Variants in MAGI2 observed in about 807,000 individuals in gnomAD.
MAGI2 encodes the protein membrane-associated guanylate kinase, WW and PDZ domain-containing protein 2.
MAGI2 carries 35 observed loss-of-function variants against 133.3 expected under a neutral mutation model. The ratio of observed to expected loss-of-function variants is 0.26; its 90% CI spans 0.20 to 0.35. MAGI2 has a LOEUF of 0.35. MAGI2 is among the 10% of genes least tolerant of loss of function. The probability of loss-of-function intolerance (pLI) is 1.00; values close to 1 mark genes in which losing one functional copy is unlikely to be tolerated. For missense variants in MAGI2, 1,636 were observed against 1,863.4 expected (o/e 0.88, Z 2.25); for synonymous variants, 729 against 710.6 (o/e 1.03, Z -0.41).
chr7:78,982,666 C>T (rs1044185219), intron 2 of MAGI2, among the ~76,000 whole-genome samples: 12 of 151,850 alleles, frequency 7.9e-5, no homozygotes, highest in African/African-American at 2.4e-4. Context: ...ACAAAATCCC[C>T]TCTAACCATA....
chr7:79,306,269 ATT>A (rs1295522532), intron 1 of MAGI2, among the ~76,000 whole-genome samples: 1 of 146,034 alleles, frequency 6.8e-6, no homozygotes, highest in African/African-American at 2.5e-5. Context: ...ATTTATATAT[ATT>A]TTATTTATAT....
At chr7:78,512,282 A>G (rs1445469988) in intron 4 of MAGI2, among the ~76,000 whole-genome samples, 1 of 152,150 alleles carries the variant, frequency 6.6e-6, no homozygotes, top group Non-Finnish European at 1.5e-5. Context: ...CTAGAAGGAG[A>G]TATTAGAATT....
At position 78,055,992 on chromosome 7, in the gene MAGI2, T is replaced by C. The variant is rs74981651; in HGVS notation, c.3706+22955A>G. On this transcript the variant is annotated intron_variant, in intron 21 of 21. Transcript: ENST00000354212. ...ACTTACCATCTTAACCATTTGTAAG[T>C]GTGCAGTACAGTAGTGTTATGTGTA... is the stretch of plus-strand genomic sequence containing the variant. Among the ~76,000 whole-genome samples, 412 of 152,282 alleles carry C rather than the reference T, an allele frequency of 2.7e-3. 1 individual carries two copies. Among genetic ancestry groups the C allele is most frequent in the African/African-American group, 9.7e-3 (403 of 41,548 alleles).
chr7:78,942,449 T>C (rs1801061971), intron 2 of MAGI2, among the ~76,000 whole-genome samples: 1 of 152,148 alleles, frequency 6.6e-6, no homozygotes. Flanking sequence ...ATGATATATG[T>C]GGAAACTTAG....
chr7:79,135,999 GAAAGAGAA>G (rs1821402355), intron 1 of MAGI2, among the ~76,000 whole-genome samples: 3 of 28,946 alleles, frequency 1.0e-4, no homozygotes, highest in African/African-American at 2.1e-4. Flanking sequence ...AAGAAAGAAA[GAAAGAGAA>G]AGAAAGAAAG....
chr7:78,082,326 CG>C (rs997716487), intron 20 of MAGI2, among the ~76,000 whole-genome samples: 14 of 151,992 alleles, frequency 9.2e-5, no homozygotes, highest in African/African-American at 2.7e-4. Context: ...TTGAAAGCTA[CG>C]GGGGAGGAGG....
At chr7:78,050,443 A>T (rs1811891331) in intron 21 of MAGI2, among the ~76,000 whole-genome samples, 1 of 152,268 alleles carries the variant, frequency 6.6e-6, no homozygotes. Context: ...ATTGACTAGG[A>T]ATAAATATTC....
intron 21 of MAGI2, among the ~76,000 whole-genome samples, chr7:78,067,505 A>G (rs1453506061): frequency 6.6e-6 from 1 of 152,224 alleles, no homozygotes; most frequent in African/African-American, 2.4e-5. Context: ...TGAAGAGTGC[A>G]TGCTGAACCG....
chr7:79,250,926 C>A (rs1479068579), intron 1 of MAGI2, among the ~76,000 whole-genome samples: 1 of 152,112 alleles, frequency 6.6e-6, no homozygotes, highest in Non-Finnish European at 1.5e-5. Flanking sequence ...AACCCAGAAA[C>A]AAATCCATAC....
chr7:79,034,200 T>C (rs1273012414), intron 1 of MAGI2, among the ~76,000 whole-genome samples: 2 of 150,550 alleles, frequency 1.3e-5, no homozygotes, highest in African/African-American at 2.5e-5. Context: ...CTGATGATAT[T>C]GCATAAATGT....
chr7:78,709,017 T>A (rs1257075279), intron 2 of MAGI2, among the ~76,000 whole-genome samples: 1 of 152,158 alleles, frequency 6.6e-6, no homozygotes, highest in Non-Finnish European at 1.5e-5. Flanking sequence ...TATGCTCTCA[T>A]CATGCCTCAC....
At chr7:78,163,341 G>A (rs977565303) in intron 15 of MAGI2, among the ~76,000 whole-genome samples, 6 of 152,078 alleles carry the variant, frequency 3.9e-5, no homozygotes, top group African/African-American at 1.4e-4. Context: ...GGGTTTCACC[G>A]TATTAGCCAG....
intron 2 of MAGI2, among the ~76,000 whole-genome samples, chr7:78,891,405 G>C (rs1188941337): frequency 6.6e-6 from 1 of 152,100 alleles, no homozygotes; most frequent in Non-Finnish European, 1.5e-5. Flanking sequence ...TGATACCAAA[G>C]CCTGGCAGAG....
At chr7:78,653,211 A>G (rs1018976815) in intron 2 of MAGI2, among the ~76,000 whole-genome samples, 5 of 152,172 alleles carry the variant, frequency 3.3e-5, no homozygotes, top group African/African-American at 9.6e-5. Flanking sequence ...TTCAACCATT[A>G]TGGAAAATAG....
At chr7:78,411,774 G>A (rs1797894588) in intron 6 of MAGI2, among the ~76,000 whole-genome samples, 1 of 151,892 alleles carries the variant, frequency 6.6e-6, no homozygotes, top group Non-Finnish European at 1.5e-5. Flanking sequence ...TAGTTCTTAA[G>A]GTACTATGCA....
intron 1 of MAGI2, among the ~76,000 whole-genome samples, chr7:79,437,976 ATAAG>A (rs756094967): frequency 3.5e-4 from 54 of 152,274 alleles, no homozygotes; most frequent in Non-Finnish European, 6.8e-4. Context: ...ATTAGAAATA[ATAAG>A]TAAAACAGAA....
At chr7:78,213,324 G>A (rs1787950725) in intron 10 of MAGI2, among the ~76,000 whole-genome samples, 1 of 152,100 alleles carries the variant, frequency 6.6e-6, no homozygotes, top group Non-Finnish European at 1.5e-5. Flanking sequence ...GGTGACTAAT[G>A]CACATTCCAG....
At chr7:79,017,395 C>A (rs141555702) in intron 1 of MAGI2, among the ~76,000 whole-genome samples, 1 of 152,120 alleles carries the variant, frequency 6.6e-6, no homozygotes, top group Admixed American at 6.6e-5. Flanking sequence ...CATAATCAAC[C>A]CCCCAAGGAC....
intron 2 of MAGI2, among the ~76,000 whole-genome samples, chr7:78,644,794 T>C (rs1352231574): frequency 6.6e-6 from 1 of 151,758 alleles, no homozygotes; most frequent in Non-Finnish European, 1.5e-5. Flanking sequence ...AGAGCAGAAA[T>C]TTTCTAAATA....
Sources: allele counts gnomAD v4.1 joint callset (sites outside exome capture counted in the v4.1 genomes callset), GRCh38; gene constraint gnomAD v4.1.1; transcripts MANE v1.5; gene names NCBI Gene and HGNC (gene_info 2026-07-23, HGNC 2026-07-21).